NGFR: variants seen among roughly 807,000 people sequenced by gnomAD.
The protein encoded by NGFR is nerve growth factor receptor, also known as tumor necrosis factor receptor superfamily member 16.
A neutral mutation model predicts 43.2 loss-of-function variants in NGFR; 30 were observed. The ratio of observed to expected loss-of-function variants is 0.69; its 90% confidence interval spans 0.52 to 0.94. The LOEUF (loss-of-function observed/expected upper bound fraction) is 0.94. NGFR is among the 40% of genes least tolerant of loss of function. The probability of loss-of-function intolerance (pLI) is 0.00; values close to 1 mark genes in which losing one functional copy is unlikely to be tolerated. For missense variants in NGFR, 529 were observed against 602.5 expected, an observed-to-expected ratio of 0.88 and a Z score of 1.28; for synonymous variants, 246 against 259.6, an observed-to-expected ratio of 0.95 and a Z score of 0.50.
In NGFR at chr17:49,512,344, G is replaced by A. The variant is rs1000840010; in HGVS notation, c.982+292G>A. The stretch of plus-strand genomic sequence containing the variant: ...GTAGCTGCAATTAGCCTCTTGCCCT[G>A]GACTTCTGGGGAACAAGTAGTTAAG... On this transcript the variant is annotated intron_variant, in intron 5 of 5. Transcript: ENST00000172229. This position sits in a 1 kb window ranked among gnomAD's most constrained non-coding sequence, Gnocchi z 5.2. Among the ~76,000 whole-genome samples the A allele has an allele frequency of 1.3e-5, 2 of 152,322 alleles. No individual in the cohort carries two copies. Among genetic ancestry groups the A allele is most frequent in the Admixed American group, 6.5e-5 (1 of 15,304 alleles).
chr17:49,501,999 A>ATGGGGGGCCCCCCCCCCC, intron 1 of NGFR, 64 bp from the exon 2 acceptor site: 1 of 330,984 alleles, frequency 3.0e-6, no homozygotes, highest in Non-Finnish European at 5.9e-6. Context: ...TCCCCGGAAG[A>ATGGGGGGCCCCCCCCCCC]ACCCCCCCCA....
chr17:49,511,849 C>T lies in NGFR; in HGVS notation c.822-43C>T, dbSNP rs748399847. The T allele has an allele frequency of 1.4e-5, 22 of 1,517,680 alleles. No homozygotes were observed. The Admixed American group carries it at 3.3e-4, about 23-fold the overall frequency. 94.0% of individuals were successfully genotyped at this position (1,517,680 alleles called of 1,614,324 possible). A position where few individuals can be genotyped will look rare whatever the true frequency, so the allele number is the denominator to read the frequency against. On this transcript the variant is annotated intron_variant, in intron 4 of 5. Coordinates refer to ENST00000172229, the MANE Select transcript of NGFR (RefSeq NM_002507.4). ...AGATACTCAGCTGCATCGGCCACTACAGCCCCTCGCCCCCTGAAACCTGGC... is the reference window on the plus strand; with the variant it reads ...AGATACTCAGCTGCATCGGCCACTATAGCCCCTCGCCCCCTGAAACCTGGC...
intron 1 of NGFR, among the ~76,000 whole-genome samples, chr17:49,499,519 G>C (rs1348725089): frequency 6.6e-6 from 1 of 152,194 alleles, no homozygotes; most frequent in Non-Finnish European, 1.5e-5. Context: ...ATTGTATTCA[G>C]AGGCTTGCCT....
At chr17:49,498,979 T>A (rs1044820331) in intron 1 of NGFR, among the ~76,000 whole-genome samples, 1 of 152,220 alleles carries the variant, frequency 6.6e-6, no homozygotes, top group African/African-American at 2.4e-5. Context: ...ATAAATTATT[T>A]CACTTAATTC....
chr17:49,508,114 G>A (rs1211267656), intron 3 of NGFR, among the ~76,000 whole-genome samples: 1 of 152,270 alleles, frequency 6.6e-6, no homozygotes, highest in African/African-American at 2.4e-5. Context: ...AGGATGTGGT[G>A]GTTCTGTTGG....
chr17:49,503,850 C>G (rs1452401087), intron 2 of NGFR, among the ~76,000 whole-genome samples: 1 of 152,208 alleles, frequency 6.6e-6, no homozygotes, highest in Non-Finnish European at 1.5e-5. Flanking sequence ...GCCCAGGACT[C>G]TCCTCCCAGG....
Position 49,506,768 on chromosome 17 carries a change from A to T in NGFR, c.568+110A>T, listed in dbSNP as rs1005250257. 1.2e-5 allele frequency: 14 copies of T among 1,132,224 alleles called. No homozygotes were observed. In the African/African-American group the frequency reaches 1.3e-4, roughly 10 times the overall value. The allele number at this position is 1,132,224 out of a possible 1,614,324, so 70.1% of individuals were successfully genotyped here. A position where few individuals can be genotyped will look rare whatever the true frequency, so the allele number is the denominator to read the frequency against. ...AGGACCCTGCCTGGCCTGCTGGGGC[A>T]GCTTGGTGACCTTGAGGCAGCGTGC... On this transcript the variant is annotated intron_variant, in intron 3 of 5. Coordinates refer to ENST00000172229, the MANE Select transcript of NGFR (RefSeq NM_002507.4).
chr17:49,496,054 G>A lies in NGFR; in HGVS notation c.66+571G>A, dbSNP rs113488827. On this transcript the variant is annotated intron_variant, in intron 1 of 5. Coordinates refer to ENST00000172229, the MANE Select transcript of NGFR (RefSeq NM_002507.4). ...ACCGGCCAGACAATGGGGGGGAGGG[G>A]CGTCGGAGGGAGAGGTTGGGGAGCG... 1,367 of 153,618 alleles carry A rather than the reference G, an allele frequency of 8.9e-3. 25 individuals carry two copies. The highest frequency in any genetic ancestry group is 0.03 in the African/African-American group (1,245 of 41,476). 9.5% of individuals were successfully genotyped at this position (153,618 alleles called of 1,614,324 possible).
chr17:49,510,712 A>C (rs754922747), intron 4 of NGFR, 48 bp downstream of exon 4: 1 of 1,600,256 alleles, frequency 6.2e-7, no homozygotes, highest in African/African-American at 1.3e-5. Flanking sequence ...TTTGCCCTCA[A>C]GGAAGACTTT....
intron 1 of NGFR, among the ~76,000 whole-genome samples, chr17:49,500,765 C>A (rs989321175): frequency 2.6e-5 from 4 of 152,310 alleles, no homozygotes; most frequent in African/African-American, 7.2e-5. Flanking sequence ...GTTGCCTGTG[C>A]CTGTCCTGCT....
intron 1 of NGFR, among the ~76,000 whole-genome samples, chr17:49,499,877 A>G (rs953147204): frequency 1.3e-5 from 2 of 152,128 alleles, no homozygotes; most frequent in Non-Finnish European, 1.5e-5. Context: ...GTAAGCCACC[A>G]CGCCCGGCCG....
chr17:49,502,281 G>A, intron 2 of NGFR, 77 bp downstream of exon 2: 1 of 1,477,738 alleles, frequency 6.8e-7, no homozygotes, highest in South Asian at 1.3e-5. Flanking sequence ...GGGCGCTGGG[G>A]AGAAGCATGC....
intron 2 of NGFR, among the ~76,000 whole-genome samples, chr17:49,503,038 C>T (rs1165881506): frequency 6.6e-6 from 1 of 152,126 alleles, no homozygotes; most frequent in African/African-American, 2.4e-5. Flanking sequence ...GCCTCAGCCT[C>T]CTGAGTAGCT....
intron 1 of NGFR, 63 bp from the exon 2 acceptor site, chr17:49,502,000 A>AGCCCCCCC: frequency 1.9e-5 from 5 of 264,886 alleles, no homozygotes; most frequent in Non-Finnish European, 3.2e-5. Flanking sequence ...CCCCGGAAGA[A>AGCCCCCCC]CCCCCCCCAA....
chr17:49,507,423 G>A (rs943155233), intron 3 of NGFR, among the ~76,000 whole-genome samples: 3 of 152,174 alleles, frequency 2.0e-5, no homozygotes, highest in African/African-American at 7.2e-5. Context: ...GCAGACCTGG[G>A]GCTCAAAAGC....
In NGFR at chr17:49,502,021, C is replaced by CCCT; in HGVS notation, c.67-42_67-41insCCT. 4 of 1,324,462 alleles carry CCCT rather than the reference C, an allele frequency of 3.0e-6. No homozygotes were observed. In the South Asian group the frequency reaches 6.1e-5, roughly 20 times the overall value. The allele number at this position is 1,324,462 out of a possible 1,614,324, so 82.0% of individuals were successfully genotyped here. A position where few individuals can be genotyped will look rare whatever the true frequency, so the allele number is the denominator to read the frequency against. On this transcript the variant is annotated intron_variant, in intron 1 of 5. Coordinates refer to ENST00000172229, the MANE Select transcript of NGFR (RefSeq NM_002507.4). ...AAGAACCCCCCCCAACCCACCCCAG[C>CCCT]TTTCTCTTGCCAGTCTGACCCTCCG...
At chr17:49,508,542 A>G (rs11466141) in intron 3 of NGFR, among the ~76,000 whole-genome samples, 2,496 of 152,228 alleles carry the variant, frequency 0.016, 71 homozygotes, top group African/African-American at 0.056. Context: ...CCAGCGTACC[A>G]TACTTTCCCC....
Position 49,495,520 on chromosome 17 carries a change from G to A in NGFR, c.66+37G>A, listed in dbSNP as rs1368853369. ...CCGGAGGGGGCCCGCTCCCTTTCCC[G>A]GGATCAGAACTCCGAGAAGAGCCGG... On this transcript the variant is annotated intron_variant, in intron 1 of 5. Transcript: ENST00000172229. The surrounding 1 kb of genome is among the most constrained non-coding windows in gnomAD (Gnocchi z 6.4). The A allele has an allele frequency of 2.0e-5, 24 of 1,227,782 alleles. No individual in the cohort carries two copies. The South Asian group carries it at 8.2e-4, about 42-fold the overall frequency. 76.1% of individuals were successfully genotyped at this position (1,227,782 alleles called of 1,614,324 possible).
intron 3 of NGFR, 152 bp downstream of exon 3, chr17:49,506,810 A>G: frequency 2.8e-6 from 2 of 707,680 alleles, no homozygotes; most frequent in South Asian, 4.0e-5. Flanking sequence ...CCTGAGCTTC[A>G]GTCCTTTCCT....
Sources: allele counts gnomAD v4.1 joint callset (sites outside exome capture counted in the v4.1 genomes callset), GRCh38; gene constraint gnomAD v4.1.1; non-coding constraint Gnocchi (gnomAD v3.1); transcripts MANE v1.5; gene names NCBI Gene and HGNC (gene_info 2026-07-23, HGNC 2026-07-21).